SLC14A2: variants seen among roughly 807,000 people sequenced by gnomAD.
The protein encoded by SLC14A2 is solute carrier family 14 member 2, also known as urea transporter 2.
SLC14A2 carries 91 observed loss-of-function variants against 104.6 expected under a neutral mutation model. That is an observed-to-expected ratio of 0.87 (90% CI 0.73 to 1.04). The LOEUF is 1.04. Among genes scored for constraint, SLC14A2 ranks in the 50% least tolerant of loss-of-function variants. The pLI is 0.00. For synonymous variants in SLC14A2, 476 were observed against 466.4 expected, an observed-to-expected ratio of 1.02 and a Z score of -0.27; for missense variants, 1,189 against 1,156.0, an observed-to-expected ratio of 1.03 and a Z score of -0.41.
At chr18:45,287,753 C>T (rs1423651338) in intron 1 of SLC14A2, among the ~76,000 whole-genome samples, 2 of 152,192 alleles carry the variant, frequency 1.3e-5, no homozygotes, top group Non-Finnish European at 2.9e-5. Flanking sequence ...TCCTGCTTCT[C>T]GAGCCATTCG....
At chr18:45,317,381 C>T (rs2085140321) in intron 1 of SLC14A2, among the ~76,000 whole-genome samples, 1 of 152,166 alleles carries the variant, frequency 6.6e-6, no homozygotes, top group African/African-American at 2.4e-5. Flanking sequence ...TCAGTCTATG[C>T]CCCAGTGAAG....
chr18:45,641,086 G>T (rs1014609758), intron 7 of SLC14A2, 123 bp from the exon 8 acceptor site: 1 of 916,672 alleles, frequency 1.1e-6, no homozygotes, highest in Non-Finnish European at 1.6e-6. Context: ...CTTTTGATGG[G>T]CAGGTTTGGA....
rs1453858578 is a variant in SLC14A2 at position 45,682,660 on chromosome 18, C to G, written c.*141C>G. ...ACACAAAGAAGCGTGTATGTAGTCA[C>G]CATTCCAGAACCTCTCTTTTCTAAG... On this transcript the variant is annotated 3_prime_UTR_variant, in exon 20 of 20. Coordinates refer to ENST00000255226, the MANE Select transcript of SLC14A2 (RefSeq NM_007163.4). 2.5e-5 allele frequency: 17 copies of G among 682,120 alleles called. No homozygotes were observed. In the Admixed American group the frequency reaches 3.7e-4, roughly 15 times the overall value. The allele number at this position is 682,120 out of a possible 1,614,324, so 42.3% of individuals were successfully genotyped here. A position where few individuals can be genotyped will look rare whatever the true frequency, so the allele number is the denominator to read the frequency against.
At chr18:45,501,769 A>C (rs1429977431) in intron 2 of SLC14A2, among the ~76,000 whole-genome samples, 1 of 152,216 alleles carries the variant, frequency 6.6e-6, no homozygotes, top group Non-Finnish European at 1.5e-5. Context: ...GAGTGGTCCC[A>C]GAGTCTTGGG....
chr18:45,334,695 C>T (rs1224867333), intron 1 of SLC14A2, among the ~76,000 whole-genome samples: 2 of 152,174 alleles, frequency 1.3e-5, no homozygotes, highest in African/African-American at 4.8e-5. Context: ...AAAATTTTTG[C>T]TCCTCTGTGT....
chr18:45,255,536 G>A (rs946369318), intron 1 of SLC14A2, among the ~76,000 whole-genome samples: 2 of 152,176 alleles, frequency 1.3e-5, no homozygotes, highest in African/African-American at 4.8e-5. Flanking sequence ...ACCCTTGATT[G>A]AAACCTTTGG....
At chr18:45,473,893 G>C (rs555360244) in intron 1 of SLC14A2, among the ~76,000 whole-genome samples, 6 of 152,078 alleles carry the variant, frequency 3.9e-5, no homozygotes, top group Admixed American at 3.9e-4. Context: ...TGATTGCCCT[G>C]GCCAGAACTT....
At chr18:45,265,746 C>A (rs1433182704) in intron 1 of SLC14A2, among the ~76,000 whole-genome samples, 1 of 152,174 alleles carries the variant, frequency 6.6e-6, no homozygotes, top group Non-Finnish European at 1.5e-5. Context: ...GCAAGCCCAT[C>A]ATTTGGGAAA....
chr18:45,185,079 C>T, the SLC14A2 span, among the ~76,000 whole-genome samples: 9 of 152,248 alleles, frequency 5.9e-5, no homozygotes, highest in Admixed American at 2.0e-4. Context: ...GAGTGGAGAG[C>T]CAGTTCCCTA....
At chr18:45,314,966 G>C (rs116427595) in intron 1 of SLC14A2, among the ~76,000 whole-genome samples, 383 of 152,336 alleles carry the variant, frequency 2.5e-3, no homozygotes, top group African/African-American at 8.8e-3. Context: ...TGTGGTAGCT[G>C]ACTACCTGGG....
chr18:45,355,634 G>A lies in SLC14A2; in HGVS notation c.-124-127599G>A, dbSNP rs187463947. The stretch of plus-strand genomic sequence containing the variant: ...TTTTTTAGCTGCCAGGGCAGTTGGG[G>A]AGGAAAGGTATTTTTGGAGAGGAAG... On this transcript the variant is annotated intron_variant, in intron 1 of 20. Transcript: ENST00000586448. Among the ~76,000 whole-genome samples the A allele has an allele frequency of 4.0e-5, 6 of 150,530 alleles. No homozygotes were observed. The East Asian group carries it at 1.2e-3, about 29-fold the overall frequency.
chr18:45,548,783 C>A (rs2542975), intron 2 of SLC14A2, among the ~76,000 whole-genome samples: 1 of 152,274 alleles, frequency 6.6e-6, no homozygotes, highest in East Asian at 1.9e-4. Flanking sequence ...TTGCTGTATA[C>A]AAGCTGAAGT....
chr18:45,632,502 T>C (rs779508580), intron 5 of SLC14A2, 24 bp downstream of exon 5: 2 of 1,611,342 alleles, frequency 1.2e-6, no homozygotes, highest in Non-Finnish European at 1.7e-6. Context: ...TTTTTTCTGC[T>C]CACAGCTCCA....
At chr18:45,521,876 G>A (rs1229226186) in intron 2 of SLC14A2, among the ~76,000 whole-genome samples, 2 of 152,036 alleles carry the variant, frequency 1.3e-5, no homozygotes, top group Non-Finnish European at 1.5e-5. Context: ...ATTGTGAGTG[G>A]GCATATTCAT....
chr18:45,494,842 C>T (rs1308813749), intron 2 of SLC14A2, among the ~76,000 whole-genome samples: 2 of 151,990 alleles, frequency 1.3e-5, no homozygotes, highest in Non-Finnish European at 2.9e-5. Context: ...CGAGACAGCA[C>T]CTTCCAGCCC....
At chr18:45,599,366 C>CA (rs1236716331) in intron 2 of SLC14A2, among the ~76,000 whole-genome samples, 3 of 152,234 alleles carry the variant, frequency 2.0e-5, no homozygotes, top group Admixed American at 6.5e-5. Context: ...GGCCATATGA[C>CA]AATCCCCCTT....
intron 1 of SLC14A2, among the ~76,000 whole-genome samples, chr18:45,259,068 C>T (rs1382122858): frequency 1.3e-5 from 2 of 152,198 alleles, no homozygotes; most frequent in African/African-American, 2.4e-5. Context: ...TGCCTTCTAA[C>T]CCCTACAGTT....
intron 1 of SLC14A2, among the ~76,000 whole-genome samples, chr18:45,471,890 T>A (rs2087256005): frequency 1.3e-5 from 2 of 151,200 alleles, no homozygotes; most frequent in Admixed American, 6.6e-5. Context: ...TAGTTTTTTT[T>A]ATTATACTTT....
chr18:45,219,816 G>A (rs2084044526), intron 1 of SLC14A2, among the ~76,000 whole-genome samples: 1 of 152,166 alleles, frequency 6.6e-6, no homozygotes, highest in African/African-American at 2.4e-5. Flanking sequence ...CTATGTTTTA[G>A]GAAGGGGAGA....
Sources: gnomAD v4.1 joint callset for allele counts (sites outside exome capture counted in the v4.1 genomes callset) on GRCh38, gnomAD v4.1.1 for gene constraint, MANE v1.5 for transcripts, NCBI Gene and HGNC (gene_info 2026-07-23, HGNC 2026-07-21) for gene names.